USP24: variants seen among roughly 807,000 people sequenced by gnomAD.
The protein encoded by USP24 is ubiquitin specific peptidase 24.
A neutral mutation model predicts 361.6 loss-of-function variants in USP24; 97 were observed. The ratio of observed to expected loss-of-function variants is 0.27; its 90% CI spans 0.23 to 0.32. The LOEUF is 0.32. USP24 is among the 10% of genes least tolerant of loss of function. USP24 has a pLI of 1.00. For missense variants in USP24, 2,353 were observed against 3,165.6 expected (o/e 0.74, Z 6.16); for synonymous variants, 1,098 against 1,124.6 (o/e 0.98, Z 0.47).
At chr1:55,168,930 A>C (rs774183882) in intron 5 of USP24, among the ~76,000 whole-genome samples, 1 of 152,158 alleles carries the variant, frequency 6.6e-6, no homozygotes, top group Non-Finnish European at 1.5e-5. Context: ...AATGCTAAGA[A>C]ATATGAGTTC....
chr1:55,188,557 A>G (rs988509576), intron 1 of USP24, among the ~76,000 whole-genome samples: 3 of 152,156 alleles, frequency 2.0e-5, no homozygotes, highest in African/African-American at 7.2e-5. Context: ...ATGTTTCTCC[A>G]AAAAAGATAC....
intron 37 of USP24, 122 bp downstream of exon 37, chr1:55,121,314 C>T (rs1341615364): frequency 3.7e-6 from 3 of 800,058 alleles, no homozygotes; most frequent in East Asian, 2.7e-5. Context: ...GCAGCCCCTT[C>T]GTACACTCCC....
Position 55,071,846 on chromosome 1 carries a change from C to T in USP24, c.7768G>A (p.Ala2590Thr), listed in dbSNP as rs1324091678. Residue 2590 changes from alanine to threonine, a missense_variant, in exon 67 of 68, where the codon GCC (alanine) becomes ACC (threonine). By Grantham distance (58) the Ala-to-Thr change is moderately conservative. Around this residue, in one of 8 missense-constraint regions of USP24, gnomAD observed 53 missense variants for 57.7 expected, o/e 0.92. Transcript: ENST00000294383. ...AGATGCCTGTCTCCGTTCTCATTGGCAGGACTACTCTCCGACCCATTACTG... is the reference window on the plus strand; with the variant it reads ...AGATGCCTGTCTCCGTTCTCATTGGTAGGACTACTCTCCGACCCATTACTG... ...GSSNGSESSPANENGDRHLQQ... is the reference protein window; with the variant it reads ...GSSNGSESSPTNENGDRHLQQ... The T allele has an allele frequency of 6.2e-6, 10 of 1,613,256 alleles. No individual in the cohort carries two copies. The highest frequency in any genetic ancestry group is 2.2e-5 in the East Asian group (1 of 44,876).
At position 55,172,409 on chromosome 1, in the gene USP24, T is replaced by A. The variant is rs375102242; in HGVS notation, c.670A>T (p.Ile224Phe). The A allele has an allele frequency of 6.2e-7, 1 of 1,613,290 alleles. No homozygotes were observed. The highest frequency in any genetic ancestry group is 8.5e-7 in the Non-Finnish European group (1 of 1,179,540). Reference sequence around the variant, plus strand: ...AGCACACCCAGGAGACCAGTGGGAATTGGATCTTGTTTTATTCTCTCTGCG... The same window carrying A: ...AGCACACCCAGGAGACCAGTGGGAAATGGATCTTGTTTTATTCTCTCTGCG... ...LVAERIKQDP[I>F]PTGLLGVLTM... The change falls in exon 4 of 68, where the codon ATT becomes TTT. Residue 224 changes from isoleucine (I) to phenylalanine (F), a missense_variant. Transcript: ENST00000294383.
chr1:55,172,624 ACT>A (rs1649568337), intron 3 of USP24, 104 bp from the exon 4 acceptor site: 1 of 1,261,640 alleles, frequency 7.9e-7, no homozygotes, highest in Admixed American at 2.9e-5. Context: ...TGATGAAAAT[ACT>A]TTTTTATGTA....
At chr1:55,101,077 T>A (rs1201593963) in intron 43 of USP24, 113 bp from the exon 44 acceptor site, 17 of 1,251,430 alleles carry the variant, frequency 1.4e-5, no homozygotes, top group Non-Finnish European at 1.8e-5. Flanking sequence ...TATGTATGTT[T>A]GGACATGGCT....
intron 54 of USP24, among the ~76,000 whole-genome samples, chr1:55,091,633 G>A (rs1645379268): frequency 6.6e-6 from 1 of 152,090 alleles, no homozygotes; most frequent in Non-Finnish European, 1.5e-5. Context: ...AGTCACTCAT[G>A]GTTCCCTAGG....
chr1:55,119,463 A>AT (rs751548968), intron 38 of USP24, among the ~76,000 whole-genome samples: 2 of 152,120 alleles, frequency 1.3e-5, no homozygotes, highest in Non-Finnish European at 2.9e-5. Context: ...TCAGTTTAGG[A>AT]TGGCAAAAGA....
At chr1:55,104,181 A>G (rs758864509) in intron 41 of USP24, among the ~76,000 whole-genome samples, 161 bp from the exon 42 acceptor site, 2 of 152,196 alleles carry the variant, frequency 1.3e-5, no homozygotes, top group Non-Finnish European at 2.9e-5. Context: ...GGGGTCATGA[A>G]TACAGGAGGA....
chr1:55,128,147 T>G (rs1646488149), intron 32 of USP24, among the ~76,000 whole-genome samples: 1 of 152,116 alleles, frequency 6.6e-6, no homozygotes, highest in South Asian at 2.1e-4. Context: ...ACTCACCATT[T>G]CCCCACTCTA....
chr1:55,215,098 C>G lies in USP24; in HGVS notation c.16G>C (p.Glu6Gln), dbSNP rs1454230692. ...CACAGCAGCGTGGTCATGTGCTGCT[C>G]CTCCTCCGATTCCATGGCTTGGGCC... is the stretch of plus-strand genomic sequence containing the variant. MESEE[E>Q]QHMTTLLCMG... is the part of the protein sequence containing the mutation. The change falls in exon 1 of 68, where the codon GAG becomes CAG. Residue 6 changes from glutamate (E) to glutamine (Q), a missense_variant. By Grantham distance (29) the Glu-to-Gln change is conservative. Transcript: ENST00000294383. 5 of 1,311,350 alleles carry G rather than the reference C, an allele frequency of 3.8e-6. No homozygotes were observed. The South Asian group carries it at 9.2e-5, about 24-fold the overall frequency. The allele number at this position is 1,311,350 out of a possible 1,614,324, so 81.2% of individuals were successfully genotyped here.
At chr1:55,186,038 A>G (rs1191149586) in intron 1 of USP24, among the ~76,000 whole-genome samples, 1 of 152,230 alleles carries the variant, frequency 6.6e-6, no homozygotes, top group East Asian at 1.9e-4. Flanking sequence ...TGTACCAAGT[A>G]AAAAGAATGA....
chr1:55,176,932 C>T (rs949298686), intron 2 of USP24, among the ~76,000 whole-genome samples: 4 of 151,718 alleles, frequency 2.6e-5, no homozygotes, highest in Non-Finnish European at 5.9e-5. Context: ...CCCGTCCCTA[C>T]AAAAAATAAA....
At chr1:55,135,027 T>A (rs1165570908) in intron 28 of USP24, among the ~76,000 whole-genome samples, 2 of 152,226 alleles carry the variant, frequency 1.3e-5, no homozygotes, top group Non-Finnish European at 2.9e-5. Flanking sequence ...AAATTCAGGA[T>A]AAATGTGAGA....
Position 55,103,869 on chromosome 1 carries a change from A to G in USP24, c.5025+7T>C. On this transcript the variant is annotated splice_region_variant and intron_variant, in intron 42 of 67. Coordinates refer to ENST00000294383, the MANE Select transcript of USP24 (RefSeq NM_015306.3). ...AAATTAAGTTCATCAACGTCTAGAA[A>G]ACCTACATCAAACTCCTTGGTAAGA... The G allele has an allele frequency of 6.2e-7, 1 of 1,605,818 alleles. No individual in the cohort carries two copies. The highest frequency in any genetic ancestry group is 8.5e-7 in the Non-Finnish European group (1 of 1,176,774).
At chr1:55,086,878 T>G (rs1428611464) in intron 55 of USP24, among the ~76,000 whole-genome samples, 1 of 152,222 alleles carries the variant, frequency 6.6e-6, no homozygotes, top group Non-Finnish European at 1.5e-5. Context: ...AGGAGAGGGC[T>G]CATTCTGCCT....
At chr1:55,142,855 G>C in intron 22 of USP24, 60 bp from the exon 23 acceptor site, 1 of 1,429,996 alleles carries the variant, frequency 7.0e-7, no homozygotes, top group Non-Finnish European at 9.4e-7. Flanking sequence ...TCATTATTCA[G>C]GACAAAATAT....
Position 55,120,666 on chromosome 1 carries a change from G to C in USP24, c.4438C>G (p.Leu1480Val). 11 of 1,564,078 alleles carry C rather than the reference G, an allele frequency of 7.0e-6. No individual in the cohort carries two copies. The highest frequency in any genetic ancestry group is 9.5e-6 in the Non-Finnish European group (11 of 1,153,076). ...AGCTGAGCCGTGAGGATTACGCCTA[G>C]AAGAAACTGATTTGGCTTCTGCACA... ...PDVQKPNQFL[L>V]GVILTAQLPL... Residue 1480 changes from leucine to valine, a missense_variant, in exon 38 of 68, where the codon CTA (leucine) becomes GTA (valine). Around this residue, in one of 8 missense-constraint regions of USP24, gnomAD observed 949 missense variants for 1,280.5 expected, o/e 0.74. Transcript: ENST00000294383.
intron 24 of USP24, 117 bp from the exon 25 acceptor site, chr1:55,139,127 A>G: frequency 1.1e-6 from 1 of 902,124 alleles, no homozygotes; most frequent in Non-Finnish European, 1.7e-6. Context: ...TCAAAGACTG[A>G]AATTTGCAAA....
Sources: gnomAD v4.1 joint callset for allele counts (sites outside exome capture counted in the v4.1 genomes callset) on GRCh38, gnomAD v4.1.1 for gene constraint, gnomAD v4.1.1 regional missense constraint, MANE v1.5 for transcripts, NCBI Gene and HGNC (gene_info 2026-07-23, HGNC 2026-07-21) for gene names.